Variants in ADGRD1 observed in about 807,000 individuals in gnomAD.
The protein encoded by ADGRD1 is G-protein coupled receptor 133.
A neutral mutation model predicts 113.4 loss-of-function variants in ADGRD1; 77 were observed. That is an observed-to-expected ratio of 0.68 (90% CI 0.57 to 0.82). The LOEUF (loss-of-function observed/expected upper bound fraction) is 0.82, where lower values mean the gene tolerates loss of function less well. Among genes scored for constraint, ADGRD1 ranks in the 40% least tolerant of loss-of-function variants. The pLI is 0.00. For synonymous variants in ADGRD1, 474 were observed against 475.0 expected (o/e 1.00, Z 0.03); for missense variants, 1,036 against 1,139.1 (o/e 0.91, Z 1.30).
At chr12:131,121,857 GC>G (rs1950603698) in intron 20 of ADGRD1, 1 of 152,502 alleles carries the variant, frequency 6.6e-6, no homozygotes, top group South Asian at 2.1e-4. Flanking sequence ...CAAGTCCCAG[GC>G]TGGTTCTCAT....
intron 14 of ADGRD1, among the ~76,000 whole-genome samples, chr12:131,079,505 T>C (rs2141190): frequency 0.94 from 142,631 of 152,254 alleles, 67,582 homozygotes; most frequent in East Asian, 1. Context: ...ATGATACCTT[T>C]ATAAAAGTTA....
chr12:130,956,968 CCA>C (rs1182248344), intron 2 of ADGRD1: 1 of 152,440 alleles, frequency 6.6e-6, no homozygotes, highest in Non-Finnish European at 1.5e-5. Flanking sequence ...CCACTCACAT[CCA>C]TACACATCAG....
At chr12:131,109,187 TG>T (rs1224441685) in intron 18 of ADGRD1, among the ~76,000 whole-genome samples, 1 of 152,252 alleles carries the variant, frequency 6.6e-6, no homozygotes, top group East Asian at 1.9e-4. Context: ...TTATCAATTT[TG>T]GTGATCTTTT....
chr12:131,107,758 A>T (rs1950266006), intron 17 of ADGRD1, among the ~76,000 whole-genome samples: 1 of 152,210 alleles, frequency 6.6e-6, no homozygotes, highest in South Asian at 2.1e-4. Context: ...AATAATAGGT[A>T]TGTCTTATTT....
chr12:130,983,270 T>C (rs1873237130), intron 5 of ADGRD1, among the ~76,000 whole-genome samples: 1 of 152,154 alleles, frequency 6.6e-6, no homozygotes, highest in Non-Finnish European at 1.5e-5. Context: ...CCTTCTTCTG[T>C]GGATGCTCGG....
At chr12:131,094,765 T>C (rs1427459754) in intron 15 of ADGRD1, among the ~76,000 whole-genome samples, 3 of 152,228 alleles carry the variant, frequency 2.0e-5, no homozygotes, top group African/African-American at 4.8e-5. Flanking sequence ...TGGGTCCTTC[T>C]GCATGGGCTC....
intron 2 of ADGRD1, among the ~76,000 whole-genome samples, chr12:130,959,162 C>A (rs1295555259): frequency 6.6e-6 from 1 of 152,220 alleles, no homozygotes; most frequent in Non-Finnish European, 1.5e-5. Context: ...AGCCTACTTT[C>A]CACCACGGCC....
chr12:131,134,957 TGAG>T (rs775917740), intron 21 of ADGRD1, among the ~76,000 whole-genome samples: 1 of 152,222 alleles, frequency 6.6e-6, no homozygotes, highest in Non-Finnish European at 1.5e-5. Context: ...GCCTGAGTGA[TGAG>T]GGGTAAACCG....
At chr12:131,032,970 C>T (rs1880956751) in intron 13 of ADGRD1, among the ~76,000 whole-genome samples, 1 of 147,458 alleles carries the variant, frequency 6.8e-6, no homozygotes, top group Non-Finnish European at 1.5e-5. Context: ...GAGAAATCGC[C>T]ACCCCGTCAC....
Position 130,987,304 on chromosome 12 carries a change from G to T in ADGRD1, c.700G>T (p.Ala234Ser). ...AFDEFIIWER[A>S]LTPDEIAMYF... ...CGATGAGTTCATCATCTGGGAGCGG[G>T]CTCTGACTCCGGATGAGATCGCCAT... The change falls in exon 6 of 25, where the codon GCT (alanine) becomes TCT (serine). Residue 234 changes from alanine to serine, a missense_variant. Physicochemically the swap from Ala to Ser is moderately conservative, Grantham distance 99 (BLOSUM62 1). Coordinates refer to ENST00000261654, the MANE Select transcript of ADGRD1 (RefSeq NM_198827.5). 6.2e-7 allele frequency: 1 copy of T among 1,614,196 alleles called. No homozygotes were observed. Among genetic ancestry groups the T allele is most frequent in the South Asian group, 1.1e-5 (1 of 91,084 alleles).
intron 13 of ADGRD1, among the ~76,000 whole-genome samples, chr12:131,015,384 A>G (rs1476276074): frequency 6.6e-6 from 1 of 150,500 alleles, no homozygotes; most frequent in East Asian, 1.9e-4. Flanking sequence ...GGAATTGGAG[A>G]TTGAGATGGA....
At position 131,003,454 on chromosome 12, in the gene ADGRD1, G is replaced by A. The variant is rs1204995213; in HGVS notation, c.1144+152G>A. 2.3e-5 allele frequency: 15 copies of A among 657,852 alleles called. No individual in the cohort carries two copies. Among genetic ancestry groups the A allele is most frequent in the South Asian group, 5.2e-5 (3 of 57,492 alleles). 40.8% of individuals were successfully genotyped at this position (657,852 alleles called of 1,614,324 possible). On this transcript the variant is annotated intron_variant, in intron 10 of 24. Coordinates refer to ENST00000261654, the MANE Select transcript of ADGRD1 (RefSeq NM_198827.5). The surrounding 1 kb of genome is among the most constrained non-coding windows in gnomAD (Gnocchi z 4.8). ...CAAACCACATTTGGAAGGAAAACCC[G>A]TGGTCAGATGAGGGCAGGTGTGTTC...
At chr12:131,080,264 C>A (rs1038183165) in intron 14 of ADGRD1, among the ~76,000 whole-genome samples, 1 of 152,112 alleles carries the variant, frequency 6.6e-6, no homozygotes, top group Non-Finnish European at 1.5e-5. Context: ...TAGTTTAATT[C>A]CAAATAGTTG....
At chr12:131,123,430 C>A (rs1950655963) in intron 20 of ADGRD1, among the ~76,000 whole-genome samples, 1 of 152,116 alleles carries the variant, frequency 6.6e-6, no homozygotes, top group Non-Finnish European at 1.5e-5. Context: ...AGGTGACTCT[C>A]AGCACAGCTG....
chr12:130,981,654 A>G (rs1873011641), intron 4 of ADGRD1, among the ~76,000 whole-genome samples: 1 of 152,152 alleles, frequency 6.6e-6, no homozygotes, highest in Non-Finnish European at 1.5e-5. Context: ...GTACTTTTTA[A>G]AAGGCGAGAA....
At chr12:131,135,923 C>T in intron 21 of ADGRD1, 114 bp from the exon 22 acceptor site, 1 of 1,145,308 alleles carries the variant, frequency 8.7e-7, no homozygotes. Context: ...CCAGGTCTTG[C>T]TCCCGGCAGG....
intron 13 of ADGRD1, among the ~76,000 whole-genome samples, chr12:131,067,079 A>G (rs1217248733): frequency 6.6e-6 from 1 of 151,602 alleles, no homozygotes; most frequent in Non-Finnish European, 1.5e-5. Context: ...CAGGTCTGCT[A>G]TGGGGGGCTT....
In ADGRD1 at chr12:131,093,376, G is replaced by A. The variant is rs7138946; in HGVS notation, c.1671+8713G>A. Reference sequence around the variant, plus strand: ...GGGTGGGAAAGGAAGGGCACCGTGGGGGCACACCACGCCTTCCTGAGGCAG... The same window carrying A: ...GGGTGGGAAAGGAAGGGCACCGTGGAGGCACACCACGCCTTCCTGAGGCAG... On this transcript the variant is annotated intron_variant, in intron 15 of 24. Coordinates refer to ENST00000261654, the MANE Select transcript of ADGRD1 (RefSeq NM_198827.5). Among the ~76,000 whole-genome samples, 1,187 of 152,280 alleles carry A rather than the reference G, an allele frequency of 7.8e-3. 15 individuals carry two copies. Among genetic ancestry groups the A allele is most frequent in the African/African-American group, 0.027 (1,131 of 41,548 alleles).
At chr12:131,088,119 A>G (rs1211000288) in intron 15 of ADGRD1, among the ~76,000 whole-genome samples, 13 of 152,016 alleles carry the variant, frequency 8.6e-5, no homozygotes, top group Non-Finnish European at 4.4e-5. Context: ...CCCCATGGAG[A>G]GCACCTGTTC....
Sources: allele counts gnomAD v4.1 joint callset (sites outside exome capture counted in the v4.1 genomes callset), GRCh38; gene constraint gnomAD v4.1.1; non-coding constraint Gnocchi (gnomAD v3.1); transcripts MANE v1.5; gene names NCBI Gene and HGNC (gene_info 2026-07-23, HGNC 2026-07-21).